The following SORCS2 variants were observed in gnomAD, a reference collection of about 807,000 sequenced individuals.
The protein encoded by SORCS2 is sortilin related VPS10 domain containing receptor 2, also known as VPS10 domain-containing receptor SorCS2.
In SORCS2, 100 loss-of-function variants were observed where a neutral mutation model predicts 141.6. That is an observed-to-expected ratio of 0.71 (90% CI 0.60 to 0.83). The LOEUF is 0.83. SORCS2 is among the 40% of genes least tolerant of loss of function. The probability of loss-of-function intolerance (pLI) is 0.00; values close to 1 mark genes in which losing one functional copy is unlikely to be tolerated. For synonymous variants in SORCS2, 789 were observed against 676.9 expected, an observed-to-expected ratio of 1.17 and a Z score of -2.57; for missense variants, 1,646 against 1,560.2, an observed-to-expected ratio of 1.05 and a Z score of -0.93.
chr4:7,732,883 G>C (rs553891017), intron 23 of SORCS2, among the ~76,000 whole-genome samples: 1 of 152,032 alleles, frequency 6.6e-6, no homozygotes, highest in Non-Finnish European at 1.5e-5. Flanking sequence ...GAGGCTCAGC[G>C]AGGCCAGGTG....
At chr4:7,481,407 C>T (rs1221167746) in intron 2 of SORCS2, among the ~76,000 whole-genome samples, 3 of 152,144 alleles carry the variant, frequency 2.0e-5, no homozygotes, top group Non-Finnish European at 4.4e-5. Flanking sequence ...TGGGATTCTG[C>T]CTGGAGAACG....
Position 7,592,472 on chromosome 4 carries a change from A to G in SORCS2, c.649-45856A>G, listed in dbSNP as rs141749734. On this transcript the variant is annotated intron_variant, in intron 3 of 26. Transcript: ENST00000507866. ...TCCCTTCTTTCTGGCTATCTGAACAACCGTCTTCCCCAGCCCCCTTACAGC... is the reference window on the plus strand; with the variant it reads ...TCCCTTCTTTCTGGCTATCTGAACAGCCGTCTTCCCCAGCCCCCTTACAGC... 1.1e-4 allele frequency among the ~76,000 whole-genome samples: 16 copies of G among 152,240 alleles called. No individual in the cohort carries two copies. In the East Asian group the frequency reaches 2.7e-3, roughly 26 times the overall value.
intron 3 of SORCS2, among the ~76,000 whole-genome samples, chr4:7,549,486 C>T (rs1713521347): frequency 6.6e-6 from 1 of 152,112 alleles, no homozygotes; most frequent in African/African-American, 2.4e-5. Flanking sequence ...GGCCAGGCTA[C>T]AGGGCACTGA....
intron 1 of SORCS2, among the ~76,000 whole-genome samples, chr4:7,331,655 G>A (rs537128266): frequency 6.6e-6 from 1 of 152,272 alleles, no homozygotes; most frequent in Admixed American, 6.5e-5. Flanking sequence ...CCACGCCCCC[G>A]GGGATCTTGT....
intron 12 of SORCS2, among the ~76,000 whole-genome samples, chr4:7,698,144 G>A (rs1028938600): frequency 3.3e-5 from 5 of 152,306 alleles, no homozygotes; most frequent in Middle Eastern, 3.4e-3. Flanking sequence ...TCCAGGGGGC[G>A]GGGAACATGG....
chr4:7,322,665 C>A (rs1419615461), intron 1 of SORCS2, among the ~76,000 whole-genome samples: 2 of 152,250 alleles, frequency 1.3e-5, no homozygotes, highest in Non-Finnish European at 2.9e-5. Context: ...GCTCAAGAGT[C>A]TCAGCCCCTA....
At chr4:7,543,784 T>TCCAC (rs1553881832) in intron 3 of SORCS2, among the ~76,000 whole-genome samples, 1 of 13,624 alleles carries the variant, frequency 7.3e-5, no homozygotes, top group African/African-American at 1.9e-4. Flanking sequence ...ATCCATCCAC[T>TCCAC]CATCCATCCA....
At chr4:7,623,494 G>A (rs1445354849) in intron 3 of SORCS2, among the ~76,000 whole-genome samples, 1 of 152,124 alleles carries the variant, frequency 6.6e-6, no homozygotes. Context: ...AGTACCAGGT[G>A]TCTTTGGTTC....
At chr4:7,332,059 A>G (rs929789065) in intron 1 of SORCS2, among the ~76,000 whole-genome samples, 2 of 152,210 alleles carry the variant, frequency 1.3e-5, no homozygotes, top group Non-Finnish European at 2.9e-5. Context: ...TCCACAGGCC[A>G]GTCATGGCTC....
intron 1 of SORCS2, among the ~76,000 whole-genome samples, chr4:7,230,267 G>A (rs371142761): frequency 4.9e-5 from 4 of 81,100 alleles, no homozygotes; most frequent in Admixed American, 1.4e-4. Context: ...TCTTCTAGTC[G>A]CTGGGCAGGA....
intron 2 of SORCS2, among the ~76,000 whole-genome samples, chr4:7,419,004 G>T (rs1269966301): frequency 6.6e-6 from 1 of 152,206 alleles, no homozygotes; most frequent in Non-Finnish European, 1.5e-5. Flanking sequence ...CAGCACATAG[G>T]TCTCAAGGCA....
intron 1 of SORCS2, among the ~76,000 whole-genome samples, chr4:7,354,824 C>G (rs1721151548): frequency 6.6e-6 from 1 of 152,184 alleles, no homozygotes; most frequent in Non-Finnish European, 1.5e-5. Context: ...GTAAGTGAAA[C>G]CCAGACTTGA....
chr4:7,710,724 G>T (rs1036962646), intron 14 of SORCS2, among the ~76,000 whole-genome samples: 1 of 152,188 alleles, frequency 6.6e-6, no homozygotes, highest in Admixed American at 6.5e-5. Context: ...CGGGGCCACC[G>T]TGCAGGCCCA....
At chr4:7,423,342 C>A (rs1181853940) in intron 2 of SORCS2, among the ~76,000 whole-genome samples, 5 of 152,200 alleles carry the variant, frequency 3.3e-5, no homozygotes, top group African/African-American at 9.7e-5. Context: ...CTCAAGGGAG[C>A]AGCATCCCTG....
At chr4:7,458,612 G>A (rs6811181) in intron 2 of SORCS2, among the ~76,000 whole-genome samples, 4,676 of 152,254 alleles carry the variant, frequency 0.031, 259 homozygotes, top group African/African-American at 0.11. Context: ...AGATTGATGT[G>A]GGATGATCTC....
chr4:7,448,501 TTTCC>T (rs1728153556), intron 2 of SORCS2, among the ~76,000 whole-genome samples: 2 of 102,872 alleles, frequency 1.9e-5, no homozygotes, highest in Admixed American at 2.1e-4. Flanking sequence ...CTTCCTTTCC[TTTCC>T]ATCTCCCTCC....
intron 1 of SORCS2, among the ~76,000 whole-genome samples, chr4:7,259,303 G>T (rs1224584246): frequency 3.3e-5 from 5 of 152,136 alleles, no homozygotes; most frequent in African/African-American, 7.2e-5. Flanking sequence ...GGAAGCTGAG[G>T]TCCGCAGAGT....
chr4:7,702,153 G>T (rs1725126924), intron 12 of SORCS2, among the ~76,000 whole-genome samples: 1 of 152,190 alleles, frequency 6.6e-6, no homozygotes, highest in Non-Finnish European at 1.5e-5. Flanking sequence ...GCCCTAGTGG[G>T]GTCTGCCTGG....
chr4:7,304,021 A>G (rs891200666), intron 1 of SORCS2, among the ~76,000 whole-genome samples: 7 of 152,356 alleles, frequency 4.6e-5, no homozygotes, highest in Admixed American at 3.3e-4. Context: ...GTCAGCCTCA[A>G]TTTACAGATG....
Sources: allele counts gnomAD v4.1 joint callset (sites outside exome capture counted in the v4.1 genomes callset), GRCh38; gene constraint gnomAD v4.1.1; transcripts MANE v1.5; gene names NCBI Gene and HGNC (gene_info 2026-07-23, HGNC 2026-07-21).